MCC: variants seen among roughly 807,000 people sequenced by gnomAD.
MCC encodes MCC regulator of Wnt signaling pathway, also known as colorectal mutant cancer protein.
MCC carries 90 observed loss-of-function variants against 116.2 expected under a neutral mutation model. The observed-to-expected ratio is 0.77, with a 90% CI of 0.65 to 0.92. MCC has a LOEUF of 0.92. MCC is among the 40% of genes least tolerant of loss of function. The pLI is 0.00. For synonymous variants in MCC, 578 were observed against 510.5 expected (o/e 1.13, Z -1.78); for missense variants, 1,516 against 1,312.2 (o/e 1.16, Z -2.40).
rs552661276 is a variant in MCC at position 113,271,825 on chromosome 5, G to A, written c.627+68694C>T. Among the ~76,000 whole-genome samples, 329 of 152,274 alleles carry A rather than the reference G, an allele frequency of 2.2e-3. 2 individuals are homozygous for A. Among genetic ancestry groups the A allele is most frequent in the Middle Eastern group, 0.01 (3 of 294 alleles). On this transcript the variant is annotated intron_variant, in intron 3 of 18. Transcript: ENST00000408903. The stretch of plus-strand genomic sequence containing the variant: ...GTGATGCTGTCCATGATGTTATGAA[G>A]CAGCAAGAAGGCCCCTGACAGATGA...
chr5:113,251,505 T>C (rs916762344), intron 3 of MCC, among the ~76,000 whole-genome samples: 1 of 152,150 alleles, frequency 6.6e-6, no homozygotes, highest in African/African-American at 2.4e-5. Context: ...GGTAACTAAA[T>C]GATTCAGGAG....
At chr5:113,102,057 C>G in intron 7 of MCC, 112 bp from the exon 8 acceptor site, 1 of 996,836 alleles carries the variant, frequency 1.0e-6, no homozygotes, top group Non-Finnish European at 1.5e-6. Flanking sequence ...GTTCTAGAAC[C>G]ACTTTGTTAT....
chr5:113,418,735 C>T (rs1309277759), intron 1 of MCC, among the ~76,000 whole-genome samples: 2 of 151,668 alleles, frequency 1.3e-5, no homozygotes, highest in Admixed American at 6.6e-5. Context: ...AAGAAAGTAG[C>T]CATTTAGCAA....
chr5:113,059,381 G>T (rs1753058183), intron 14 of MCC, among the ~76,000 whole-genome samples: 1 of 152,178 alleles, frequency 6.6e-6, no homozygotes, highest in African/African-American at 2.4e-5. Flanking sequence ...CAATGGTAGG[G>T]GAGGGGAAGC....
intron 1 of MCC, among the ~76,000 whole-genome samples, chr5:113,417,818 A>C (rs1431443287): frequency 6.6e-6 from 1 of 152,042 alleles, no homozygotes; most frequent in African/African-American, 2.4e-5. Flanking sequence ...AGTCCTAGCT[A>C]CTCAGGAGGC....
chr5:113,441,898 T>C lies in MCC; in HGVS notation c.170+46347A>G, dbSNP rs181961446. On this transcript the variant is annotated intron_variant, in intron 1 of 18. Coordinates refer to ENST00000408903, the MANE Select transcript of MCC (RefSeq NM_001085377.2). ...TTTTCTTTATCCAGTCTATCATTGG[T>C]GGACATTTGGATTGGTTCCAAGTCT... 1.6e-4 allele frequency among the ~76,000 whole-genome samples: 25 copies of C among 152,364 alleles called. 1 individual carries two copies. The East Asian group carries it at 4.8e-3, about 29-fold the overall frequency.
intron 1 of MCC, among the ~76,000 whole-genome samples, chr5:113,470,854 T>A (rs182212498): frequency 6.6e-6 from 1 of 151,026 alleles, no homozygotes; most frequent in African/African-American, 2.5e-5. Flanking sequence ...CATAGTCCCA[T>A]ATTTCTTGGA....
chr5:113,185,245 G>A (rs1761842734), intron 3 of MCC, among the ~76,000 whole-genome samples: 1 of 152,130 alleles, frequency 6.6e-6, no homozygotes, highest in African/African-American at 2.4e-5. Flanking sequence ...AGAGGGTGAG[G>A]AAGGAGAGTT....
chr5:113,102,190 G>T (rs1393937611), intron 7 of MCC, among the ~76,000 whole-genome samples: 2 of 152,196 alleles, frequency 1.3e-5, no homozygotes, highest in Non-Finnish European at 2.9e-5. Context: ...GAAAAACAGT[G>T]AGTCCTCTCC....
chr5:113,389,069 C>T (rs552902448), intron 1 of MCC, among the ~76,000 whole-genome samples: 2 of 152,266 alleles, frequency 1.3e-5, no homozygotes, highest in South Asian at 4.1e-4. Context: ...TGTTATCCTT[C>T]TATGTTACAC....
At chr5:113,464,132 G>A (rs1180212305) in intron 1 of MCC, among the ~76,000 whole-genome samples, 3 of 152,094 alleles carry the variant, frequency 2.0e-5, no homozygotes, top group Non-Finnish European at 4.4e-5. Context: ...TGACAATAGG[G>A]CACCATGAAG....
chr5:113,260,109 G>A (rs1581331662), intron 3 of MCC, among the ~76,000 whole-genome samples: 1 of 151,898 alleles, frequency 6.6e-6, no homozygotes, highest in South Asian at 2.1e-4. Context: ...AAACGCAGAA[G>A]TTCATCTAAC....
chr5:113,335,280 C>A (rs999479501), intron 3 of MCC, among the ~76,000 whole-genome samples: 1 of 151,710 alleles, frequency 6.6e-6, no homozygotes, highest in Non-Finnish European at 1.5e-5. Flanking sequence ...AAGACAGAGA[C>A]AAATGATTAC....
intron 3 of MCC, among the ~76,000 whole-genome samples, chr5:113,236,976 AGTT>A (rs1292029559): frequency 6.6e-6 from 1 of 152,226 alleles, no homozygotes; most frequent in African/African-American, 2.4e-5. Flanking sequence ...TCTGAATGTC[AGTT>A]GTTTTCACTC....
chr5:113,320,861 TG>T (rs1471387581), intron 3 of MCC, among the ~76,000 whole-genome samples: 1 of 152,230 alleles, frequency 6.6e-6, no homozygotes, highest in East Asian at 1.9e-4. Context: ...AAGAGAGAGT[TG>T]ATGTGAATAC....
rs201968720 is a variant in MCC, at chr5:113,434,189, G to A, written c.171-48977C>T. 3.8e-5 allele frequency: 62 copies of A among 1,614,118 alleles called. No individual in the cohort carries two copies. In the East Asian group the frequency reaches 6.7e-4, roughly 17 times the overall value. ...GCAGCATCTTCTTGATGTTGGAGTC[G>A]TCGTAGGGCATGGAGCCGCAGACCA... On this transcript the variant is annotated intron_variant, in intron 1 of 18. Coordinates refer to ENST00000408903, the MANE Select transcript of MCC (RefSeq NM_001085377.2). This position sits in a 1 kb window ranked among gnomAD's most constrained non-coding sequence, Gnocchi z 4.2.
chr5:113,467,620 T>C (rs547145111), intron 1 of MCC, among the ~76,000 whole-genome samples: 26 of 152,340 alleles, frequency 1.7e-4, no homozygotes, highest in Non-Finnish European at 2.9e-4. Flanking sequence ...GGTAGCGTGA[T>C]GCTTCCAGCT....
intron 3 of MCC, among the ~76,000 whole-genome samples, chr5:113,198,274 T>C (rs1581240709): frequency 6.6e-6 from 1 of 152,204 alleles, no homozygotes; most frequent in Non-Finnish European, 1.5e-5. Context: ...TGAGTCCTTC[T>C]TCCCCTACCA....
At chr5:113,350,044 A>AC (rs1315787113) in intron 2 of MCC, among the ~76,000 whole-genome samples, 1 of 151,986 alleles carries the variant, frequency 6.6e-6, no homozygotes, top group Admixed American at 6.6e-5. Context: ...ATTGAAGAGA[A>AC]CCCCCCCAAA....
Sources: gnomAD v4.1 joint callset for allele counts (sites outside exome capture counted in the v4.1 genomes callset) on GRCh38, gnomAD v4.1.1 for gene constraint, Gnocchi (gnomAD v3.1) non-coding constraint, MANE v1.5 for transcripts, NCBI Gene and HGNC (gene_info 2026-07-23, HGNC 2026-07-21) for gene names.